STX17: variants seen among roughly 807,000 people sequenced by gnomAD.
STX17 encodes syntaxin 17.
A neutral mutation model predicts 35.9 loss-of-function variants in STX17; 29 were observed. That is an observed-to-expected ratio of 0.81 (90% CI 0.60 to 1.10). The LOEUF (loss-of-function observed/expected upper bound fraction) is 1.10, where lower values mean the gene tolerates loss of function less well. Ranked by LOEUF, STX17 falls within the 50% of genes least tolerant of loss-of-function variation. The pLI is 0.00. For synonymous variants in STX17, 92 were observed against 118.3 expected (o/e 0.78, Z 1.44); for missense variants, 312 against 352.3 (o/e 0.89, Z 0.92).
chr9:99,963,356 A>G (rs1417800356), intron 6 of STX17, among the ~76,000 whole-genome samples: 2 of 151,858 alleles, frequency 1.3e-5, no homozygotes, highest in Non-Finnish European at 2.9e-5. Flanking sequence ...TTCAGTAACA[A>G]CTCACCCTTG....
intron 6 of STX17, among the ~76,000 whole-genome samples, chr9:99,961,267 G>A (rs1829821788): frequency 6.6e-6 from 1 of 152,232 alleles, no homozygotes; most frequent in Non-Finnish European, 1.5e-5. Flanking sequence ...AATGGCCTAA[G>A]AGAGGAGGAG....
At chr9:99,907,610 T>C (rs1828577373) in intron 1 of STX17, among the ~76,000 whole-genome samples, 1 of 152,216 alleles carries the variant, frequency 6.6e-6, no homozygotes, top group Non-Finnish European at 1.5e-5. Flanking sequence ...TTCTTTGACT[T>C]CTAAATGTTT....
chr9:99,936,293 A>G (rs1829231830), intron 3 of STX17, among the ~76,000 whole-genome samples: 1 of 152,200 alleles, frequency 6.6e-6, no homozygotes, highest in South Asian at 2.1e-4. Context: ...GTTGTTTTCC[A>G]AAATGATTGT....
intron 3 of STX17, among the ~76,000 whole-genome samples, chr9:99,941,788 G>T (rs571135122): frequency 6.6e-6 from 1 of 152,086 alleles, no homozygotes; most frequent in South Asian, 2.1e-4. Flanking sequence ...TTTGTGTCTG[G>T]CTTGTCATTT....
chr9:99,909,204 C>G (rs966556289), intron 1 of STX17, among the ~76,000 whole-genome samples: 17 of 152,304 alleles, frequency 1.1e-4, no homozygotes, highest in Admixed American at 1.0e-3. Context: ...GATAATTTTT[C>G]TTCCTCACTT....
chr9:99,967,251 A>AAG (rs1829931445), intron 6 of STX17: 1 of 168,150 alleles, frequency 5.9e-6, no homozygotes. Context: ...TGAATCCTCA[A>AAG]AGAAGGTAAG....
intron 3 of STX17, among the ~76,000 whole-genome samples, chr9:99,929,514 T>C (rs1829066060): frequency 6.6e-6 from 1 of 151,966 alleles, no homozygotes; most frequent in African/African-American, 2.4e-5. Flanking sequence ...GAAGAAACCA[T>C]TCTTAATCCT....
intron 2 of STX17, among the ~76,000 whole-genome samples, chr9:99,923,884 A>G (rs1828937823): frequency 6.6e-6 from 1 of 152,202 alleles, no homozygotes; most frequent in African/African-American, 2.4e-5. Context: ...AAGGTGAGGT[A>G]TGAGGGAATG....
intron 6 of STX17, among the ~76,000 whole-genome samples, chr9:99,962,810 A>G (rs1829852267): frequency 6.6e-6 from 1 of 152,188 alleles, no homozygotes; most frequent in African/African-American, 2.4e-5. Flanking sequence ...AGAACCCCTG[A>G]TTATTATTCC....
chr9:99,934,626 G>A (rs1564064878), intron 3 of STX17, among the ~76,000 whole-genome samples: 1 of 152,086 alleles, frequency 6.6e-6, no homozygotes, highest in Non-Finnish European at 1.5e-5. Flanking sequence ...TCTAGAATGT[G>A]TTTACTCTAA....
intron 3 of STX17, among the ~76,000 whole-genome samples, chr9:99,941,396 G>A (rs528016116): frequency 1.3e-5 from 2 of 152,126 alleles, no homozygotes; most frequent in African/African-American, 2.4e-5. Flanking sequence ...CTTCAACCTC[G>A]TTTCTGTCCT....
intron 3 of STX17, among the ~76,000 whole-genome samples, chr9:99,943,900 A>G (rs1161745368): frequency 1.3e-5 from 2 of 152,184 alleles, no homozygotes; most frequent in African/African-American, 4.8e-5. Flanking sequence ...AGAATTGGCC[A>G]GTAAAACTAT....
intron 3 of STX17, among the ~76,000 whole-genome samples, chr9:99,948,509 G>T (rs1429301875): frequency 1.3e-5 from 2 of 151,920 alleles, no homozygotes; most frequent in Non-Finnish European, 2.9e-5. Context: ...TTTGATTCTT[G>T]CCTATACTAT....
intron 3 of STX17, among the ~76,000 whole-genome samples, chr9:99,940,455 T>G (rs1435943009): frequency 1.3e-5 from 2 of 150,132 alleles, no homozygotes; most frequent in East Asian, 3.9e-4. Context: ...CTTGTTTGTA[T>G]AGTGTAGAAT....
chr9:99,968,369 C>G, intron 7 of STX17, 65 bp from the exon 8 acceptor site: 1 of 1,499,948 alleles, frequency 6.7e-7, no homozygotes, highest in South Asian at 1.4e-5. Flanking sequence ...GAGAGGAAAA[C>G]GCACATCACC....
At chr9:99,946,843 G>A (rs147927214) in intron 3 of STX17, among the ~76,000 whole-genome samples, 6 of 152,224 alleles carry the variant, frequency 3.9e-5, no homozygotes, top group East Asian at 1.9e-4. Context: ...TTGAGAAGTC[G>A]TATTATAATC....
Position 99,957,111 on chromosome 9 carries a change from A to G in STX17, c.416-2806A>G, listed in dbSNP as rs541160643. On this transcript the variant is annotated intron_variant, in intron 4 of 7. Transcript: ENST00000259400. ...ACTTGTCTTTTACTTCTTGCTTTGT[A>G]CCATCAAACTGCTGATTTACATAGC... 3.9e-5 allele frequency among the ~76,000 whole-genome samples: 6 copies of G among 152,256 alleles called. No individual in the cohort carries two copies. The East Asian group carries it at 7.7e-4, about 20-fold the overall frequency.
intron 3 of STX17, among the ~76,000 whole-genome samples, chr9:99,946,336 A>G (rs1304959735): frequency 1.3e-5 from 2 of 152,190 alleles, no homozygotes; most frequent in Non-Finnish European, 2.9e-5. Flanking sequence ...CCTGGAACCA[A>G]TCCTCCATGG....
intron 2 of STX17, among the ~76,000 whole-genome samples, chr9:99,920,745 A>AT (rs952699066): frequency 1.3e-5 from 2 of 152,078 alleles, no homozygotes; most frequent in Non-Finnish European, 2.9e-5. Context: ...GTTACTTGTA[A>AT]TTTTTTTCAC....
Sources: allele counts gnomAD v4.1 joint callset (sites outside exome capture counted in the v4.1 genomes callset), GRCh38; gene constraint gnomAD v4.1.1; transcripts MANE v1.5; gene names NCBI Gene and HGNC (gene_info 2026-07-23, HGNC 2026-07-21).